Variants in CNTN4 observed in about 807,000 individuals in gnomAD.
The protein encoded by CNTN4 is contactin-4.
In CNTN4, 77 loss-of-function variants were observed where a neutral mutation model predicts 122.5. The observed-to-expected ratio is 0.63, with a 90% CI of 0.52 to 0.76. The LOEUF is 0.76. Among genes scored for constraint, CNTN4 ranks in the 30% least tolerant of loss-of-function variants. The probability of loss-of-function intolerance (pLI) is 0.00; values close to 1 mark genes in which losing one functional copy is unlikely to be tolerated. For missense variants in CNTN4, 1,256 were observed against 1,259.1 expected (o/e 1.00, Z 0.04); for synonymous variants, 512 against 447.0 (o/e 1.15, Z -1.83).
intron 4 of CNTN4, chr3:2,629,589 C>G (rs779846376): frequency 4.4e-6 from 2 of 449,936 alleles, no homozygotes; most frequent in Non-Finnish European, 8.9e-6. Context: ...GGTGAGTTGA[C>G]TTTATAAGAA....
chr3:2,226,627 C>T (rs1174346700), intron 2 of CNTN4, among the ~76,000 whole-genome samples: 1 of 152,064 alleles, frequency 6.6e-6, no homozygotes, highest in Non-Finnish European at 1.5e-5. Context: ...ATTTCCACTG[C>T]ACCTTCATCA....
chr3:2,314,565 T>A (rs908104994), intron 2 of CNTN4, among the ~76,000 whole-genome samples: 2 of 151,842 alleles, frequency 1.3e-5, no homozygotes, highest in Non-Finnish European at 2.9e-5. Context: ...AAACTCAGAT[T>A]TATTAAGGAA....
chr3:2,947,865 C>T (rs2094695796), intron 13 of CNTN4, among the ~76,000 whole-genome samples: 1 of 152,206 alleles, frequency 6.6e-6, no homozygotes, highest in Admixed American at 6.5e-5. Context: ...GAGAATTAAA[C>T]TTGCCTTTTA....
At chr3:2,539,841 G>A (rs528214738) in intron 3 of CNTN4, among the ~76,000 whole-genome samples, 1 of 152,072 alleles carries the variant, frequency 6.6e-6, no homozygotes, top group South Asian at 2.1e-4. Flanking sequence ...ATTCAGGATT[G>A]GAAACAGTTT....
At chr3:2,394,787 T>G (rs978623020) in intron 3 of CNTN4, among the ~76,000 whole-genome samples, 8 of 141,956 alleles carry the variant, frequency 5.6e-5, no homozygotes, top group African/African-American at 1.6e-4. Flanking sequence ...TATATTAGTT[T>G]TTTTTTTTTT....
Position 2,961,192 on chromosome 3 carries a change from T to C in CNTN4, c.1359-27153T>C, listed in dbSNP as rs944428474. 4.9e-5 allele frequency among the ~76,000 whole-genome samples: 6 copies of C among 123,308 alleles called. 1 individual carries two copies. The highest frequency in any genetic ancestry group is 4.0e-4 in the Admixed American group (4 of 9,960). 80.9% of individuals were successfully genotyped at this position (123,308 alleles called of 152,430 possible). A position where few individuals can be genotyped will look rare whatever the true frequency, so the allele number is the denominator to read the frequency against. On this transcript the variant is annotated intron_variant, in intron 13 of 24. Transcript: ENST00000418658. Reference sequence around the variant, plus strand: ...TTGCAGTGAGCCGAGATTGGACCACTGCACTCCAGCCTGGGCGACAGAACG... The same window carrying C: ...TTGCAGTGAGCCGAGATTGGACCACCGCACTCCAGCCTGGGCGACAGAACG...
At chr3:2,479,058 A>G (rs563668912) in intron 3 of CNTN4, among the ~76,000 whole-genome samples, 73 of 152,150 alleles carry the variant, frequency 4.8e-4, no homozygotes, top group African/African-American at 1.8e-3. Context: ...CAGGACTTTC[A>G]TCTTTGCTCA....
intron 3 of CNTN4, among the ~76,000 whole-genome samples, chr3:2,414,296 C>T (rs1327799559): frequency 6.6e-6 from 1 of 152,126 alleles, no homozygotes; most frequent in Non-Finnish European, 1.5e-5. Context: ...TAATTTGTTT[C>T]TTCTACACCA....
At chr3:2,266,395 A>G (rs1205309293) in intron 2 of CNTN4, among the ~76,000 whole-genome samples, 1 of 152,156 alleles carries the variant, frequency 6.6e-6, no homozygotes, top group East Asian at 1.9e-4. Context: ...GGTTCAAAAC[A>G]CCTATGGAAA....
At chr3:2,542,955 A>C (rs1029538810) in intron 3 of CNTN4, among the ~76,000 whole-genome samples, 2 of 152,130 alleles carry the variant, frequency 1.3e-5, no homozygotes, top group Admixed American at 1.3e-4. Context: ...TGTTACCACT[A>C]TATTGAACAT....
chr3:2,485,854 C>A (rs1056179143), intron 3 of CNTN4, among the ~76,000 whole-genome samples: 3 of 152,122 alleles, frequency 2.0e-5, no homozygotes, highest in East Asian at 3.9e-4. Flanking sequence ...CAAAACGGAT[C>A]GATCAGCTCT....
intron 3 of CNTN4, among the ~76,000 whole-genome samples, chr3:2,536,594 T>A (rs1161496273): frequency 6.6e-6 from 1 of 151,830 alleles, no homozygotes; most frequent in Admixed American, 6.6e-5. Context: ...ATAATTTTTT[T>A]TTTTTTTTTG....
chr3:2,657,266 A>G (rs1362429153), intron 4 of CNTN4, among the ~76,000 whole-genome samples: 3 of 152,212 alleles, frequency 2.0e-5, no homozygotes, highest in African/African-American at 4.8e-5. Flanking sequence ...TTTACATTGA[A>G]TACACAAGCC....
At chr3:2,287,383 C>G (rs1165337091) in intron 2 of CNTN4, among the ~76,000 whole-genome samples, 1 of 151,904 alleles carries the variant, frequency 6.6e-6, no homozygotes, top group African/African-American at 2.4e-5. Context: ...GGGCAGAATG[C>G]TTGAGCTCAG....
At chr3:2,280,193 C>T (rs141097599) in intron 2 of CNTN4, among the ~76,000 whole-genome samples, 93 of 152,220 alleles carry the variant, frequency 6.1e-4, no homozygotes, top group African/African-American at 2.1e-3. Flanking sequence ...CTCGTGGGCT[C>T]AAGTGATTCA....
chr3:2,115,038 G>A (rs1438917921), intron 2 of CNTN4, among the ~76,000 whole-genome samples: 1 of 152,186 alleles, frequency 6.6e-6, no homozygotes, highest in Non-Finnish European at 1.5e-5. Flanking sequence ...TTGCAGTCTT[G>A]TGTGATGATG....
chr3:2,627,300 G>A (rs1218606376), intron 4 of CNTN4, among the ~76,000 whole-genome samples: 1 of 152,166 alleles, frequency 6.6e-6, no homozygotes, highest in Non-Finnish European at 1.5e-5. Flanking sequence ...AAGGCACTCA[G>A]TTCTGACATG....
At chr3:2,556,314 G>A (rs1280987832) in intron 3 of CNTN4, among the ~76,000 whole-genome samples, 4 of 152,086 alleles carry the variant, frequency 2.6e-5, no homozygotes. Context: ...AGAACTGGTC[G>A]GCATATGAAT....
chr3:2,159,244 A>AT (rs2035853159), intron 2 of CNTN4, among the ~76,000 whole-genome samples: 1 of 152,284 alleles, frequency 6.6e-6, no homozygotes, highest in Non-Finnish European at 1.5e-5. Context: ...TCTCTTAAGT[A>AT]TTTTTTGCAT....
Sources: gnomAD v4.1 joint callset for allele counts (sites outside exome capture counted in the v4.1 genomes callset) on GRCh38, gnomAD v4.1.1 for gene constraint, MANE v1.5 for transcripts, NCBI Gene and HGNC (gene_info 2026-07-23, HGNC 2026-07-21) for gene names.